The following TXNL1 variants were observed in gnomAD, a reference collection of about 807,000 sequenced individuals.
The protein encoded by TXNL1 is thioredoxin like 1, also known as thioredoxin-like protein 1.
In TXNL1, 14 loss-of-function variants were observed where a neutral mutation model predicts 35.5. The ratio of observed to expected loss-of-function variants is 0.39; its 90% CI spans 0.26 to 0.62. The LOEUF is 0.62. TXNL1 is among the 20% of genes least tolerant of loss of function. The pLI, the probability that TXNL1 is intolerant of heterozygous loss-of-function variation, is 0.47. For missense variants in TXNL1, 263 were observed against 349.7 expected, an observed-to-expected ratio of 0.75 and a Z score of 1.98; for synonymous variants, 110 against 115.5, an observed-to-expected ratio of 0.95 and a Z score of 0.31.
chr18:56,623,868 G>T (rs2024231886), intron 3 of TXNL1, among the ~76,000 whole-genome samples: 1 of 151,114 alleles, frequency 6.6e-6, no homozygotes, highest in Admixed American at 6.6e-5. Flanking sequence ...ACTATAGGAA[G>T]TGAGTGACAG....
chr18:56,620,008 G>A (rs1285043629), intron 3 of TXNL1, among the ~76,000 whole-genome samples: 2 of 151,744 alleles, frequency 1.3e-5, no homozygotes, highest in Non-Finnish European at 2.9e-5. Context: ...TCACTCTGTC[G>A]CCCAGGCTGG....
In TXNL1 at chr18:56,601,693, G is replaced by C. The variant is rs528907693; in HGVS notation, c.*1334C>G. 1 of 152,136 alleles carries C rather than the reference G, an allele frequency of 6.6e-6. No individual in the cohort carries two copies. The highest frequency in any genetic ancestry group is 2.4e-5 in the African/African-American group (1 of 41,518). The allele number at this position is 152,136 out of a possible 1,614,324, so 9.4% of individuals were successfully genotyped here. Reference sequence around the variant, plus strand: ...GTATAAACACACTGCTCTCACAAAGGCAAATGGTATCTCTACCATATTCCT... The same window carrying C: ...GTATAAACACACTGCTCTCACAAAGCCAAATGGTATCTCTACCATATTCCT... On this transcript the variant is annotated 3_prime_UTR_variant, in exon 8 of 8. Coordinates refer to ENST00000217515, the MANE Select transcript of TXNL1 (RefSeq NM_004786.3).
chr18:56,630,651 G>A (rs75709996), intron 1 of TXNL1, among the ~76,000 whole-genome samples: 1 of 152,262 alleles, frequency 6.6e-6, no homozygotes, highest in Non-Finnish European at 1.5e-5. Flanking sequence ...GCTAACTGGT[G>A]TTACAGACAC....
At chr18:56,630,761 C>G (rs2024357354) in intron 1 of TXNL1, among the ~76,000 whole-genome samples, 1 of 152,144 alleles carries the variant, frequency 6.6e-6, no homozygotes, top group Non-Finnish European at 1.5e-5. Context: ...AGTTAGCCAT[C>G]AGAGGTTGGA....
chr18:56,625,920 T>G (rs1445397584), intron 2 of TXNL1, among the ~76,000 whole-genome samples: 2 of 152,160 alleles, frequency 1.3e-5, no homozygotes, highest in African/African-American at 4.8e-5. Context: ...TGTGGCTCAA[T>G]CAACAATAAT....
chr18:56,632,430 T>C (rs1433222270), intron 1 of TXNL1, among the ~76,000 whole-genome samples: 1 of 152,208 alleles, frequency 6.6e-6, no homozygotes, highest in Non-Finnish European at 1.5e-5. Flanking sequence ...TACTGTATGT[T>C]ACGCATTCAC....
At chr18:56,634,219 AAATT>A (rs1409174356) in intron 1 of TXNL1, among the ~76,000 whole-genome samples, 1 of 152,190 alleles carries the variant, frequency 6.6e-6, no homozygotes, top group Non-Finnish European at 1.5e-5. Context: ...GCAGAGGTGT[AAATT>A]ATTTAAGGAA....
intron 3 of TXNL1, among the ~76,000 whole-genome samples, chr18:56,623,161 C>G (rs2144316384): frequency 6.6e-6 from 1 of 152,320 alleles, no homozygotes; most frequent in African/African-American, 2.4e-5. Flanking sequence ...TGCAGTGGCT[C>G]ACGCCTGTAA....
In TXNL1 at chr18:56,601,064, C is replaced by T. The variant is rs2023804448; in HGVS notation, c.*1963G>A. On this transcript the variant is annotated 3_prime_UTR_variant, in exon 8 of 8. Transcript: ENST00000217515. ...AACTAGAGTTACATTTTTTCAAATG[C>T]TCTTATTCATCTGGAAAATTCAGTG... 1 of 151,980 alleles carries T rather than the reference C, an allele frequency of 6.6e-6. No homozygotes were observed. The highest frequency in any genetic ancestry group is 2.4e-5 in the African/African-American group (1 of 41,376). The allele number at this position is 151,980 out of a possible 1,614,324, so 9.4% of individuals were successfully genotyped here.
intron 1 of TXNL1, among the ~76,000 whole-genome samples, chr18:56,627,870 A>C (rs1359526383): frequency 6.7e-6 from 1 of 149,148 alleles, no homozygotes; most frequent in African/African-American, 2.5e-5. Context: ...AAAAAAAAAA[A>C]GGTTTGACAG....
At chr18:56,603,557 A>G (rs1284873392) in intron 7 of TXNL1, among the ~76,000 whole-genome samples, 1 of 152,132 alleles carries the variant, frequency 6.6e-6, no homozygotes, top group Non-Finnish European at 1.5e-5. Context: ...CTGGTTTAAG[A>G]AAAAGATCCT....
At chr18:56,617,900 G>T (rs1473377006) in intron 4 of TXNL1, 104 bp downstream of exon 4, 30 of 1,377,032 alleles carry the variant, frequency 2.2e-5, no homozygotes, top group Non-Finnish European at 3.0e-5. Flanking sequence ...AGGAAGAAGT[G>T]ATCATCTGGG....
chr18:56,626,042 C>T (rs78390037), intron 2 of TXNL1: 5,485 of 304,986 alleles, frequency 0.018, 95 homozygotes, highest in South Asian at 0.071. Context: ...GCCAATACCT[C>T]GGGGGTAGAA....
chr18:56,615,426 T>G (rs2024069183), intron 5 of TXNL1, among the ~76,000 whole-genome samples: 1 of 134,366 alleles, frequency 7.4e-6, no homozygotes, highest in South Asian at 2.8e-4. Context: ...TAGTCTCCAT[T>G]CCCCTATTCC....
At position 56,614,413 on chromosome 18, in the gene TXNL1, A is replaced by C. The variant is rs1309478436; in HGVS notation, c.735+11T>G. The stretch of plus-strand genomic sequence containing the variant: ...AACCTATTAAATACATATGAACGAA[A>C]TACTACTTACAGTTACACTGTTAAC... On this transcript the variant is annotated intron_variant, in intron 6 of 7. Coordinates refer to ENST00000217515, the MANE Select transcript of TXNL1 (RefSeq NM_004786.3). 1.1e-5 allele frequency: 18 copies of C among 1,610,290 alleles called. No individual in the cohort carries two copies. Among genetic ancestry groups the C allele is most frequent in the Non-Finnish European group, 1.4e-5 (17 of 1,178,232 alleles).
At chr18:56,613,405 A>G (rs184103122) in intron 6 of TXNL1, among the ~76,000 whole-genome samples, 31 of 152,196 alleles carry the variant, frequency 2.0e-4, no homozygotes, top group Admixed American at 2.0e-3. Flanking sequence ...CTGGGTTTCA[A>G]TGCTAAATTT....
At position 56,600,682 on chromosome 18, in the gene TXNL1, C is replaced by T. The variant is rs1233167833; in HGVS notation, c.*2345G>A. The T allele has an allele frequency of 6.7e-6, 1 of 149,830 alleles. No individual in the cohort carries two copies. The highest frequency in any genetic ancestry group is 1.5e-5 in the Non-Finnish European group (1 of 67,888). 9.3% of individuals were successfully genotyped at this position (149,830 alleles called of 1,614,324 possible). A position where few individuals can be genotyped will look rare whatever the true frequency, so the allele number is the denominator to read the frequency against. ...CTGGGGAACAACGTGGGGCAGGTTT[C>T]AACTCTAATTGTTACGTGGCTGCCT... On this transcript the variant is annotated 3_prime_UTR_variant, in exon 8 of 8. Transcript: ENST00000217515.
At chr18:56,637,171 C>G (rs2024468629) in intron 1 of TXNL1, among the ~76,000 whole-genome samples, 3 of 152,158 alleles carry the variant, frequency 2.0e-5, no homozygotes, top group Admixed American at 2.0e-4. Flanking sequence ...TCATATCTAT[C>G]TGCATCCATT....
intron 1 of TXNL1, among the ~76,000 whole-genome samples, chr18:56,630,944 A>C (rs1427571622): frequency 6.6e-6 from 1 of 151,718 alleles, no homozygotes; most frequent in Non-Finnish European, 1.5e-5. Flanking sequence ...GCAGTGGCAT[A>C]ATCATGGCTC....
Sources: gnomAD v4.1 joint callset for allele counts (sites outside exome capture counted in the v4.1 genomes callset) on GRCh38, gnomAD v4.1.1 for gene constraint, MANE v1.5 for transcripts, NCBI Gene and HGNC (gene_info 2026-07-23, HGNC 2026-07-21) for gene names.